The following GRIN2A variants were observed in gnomAD, a reference collection of about 807,000 sequenced individuals.
GRIN2A encodes glutamate ionotropic receptor NMDA type subunit 2A, also known as glutamate receptor ionotropic, NMDA 2A.
Under a neutral mutation model 113.4 loss-of-function variants are expected in GRIN2A, and 22 were observed. The ratio of observed to expected loss-of-function variants is 0.19; its 90% CI spans 0.14 to 0.28. The LOEUF (loss-of-function observed/expected upper bound fraction) is 0.28. Among genes scored for constraint, GRIN2A ranks in the 10% least tolerant of loss-of-function variants. GRIN2A has a pLI of 1.00. For synonymous variants in GRIN2A, 827 were observed against 738.4 expected, an observed-to-expected ratio of 1.12 and a Z score of -1.94; for missense variants, 1,502 against 1,887.0, an observed-to-expected ratio of 0.80 and a Z score of 3.78.
At chr16:9,955,600 T>C (rs2141685896) in intron 2 of GRIN2A, among the ~76,000 whole-genome samples, 1 of 152,342 alleles carries the variant, frequency 6.6e-6, no homozygotes, top group East Asian at 1.9e-4. Flanking sequence ...ATTTATAGAC[T>C]GCTTTCATGA....
rs145172949 is a variant in GRIN2A at position 9,938,024 on chromosome 16, G to A, written c.942C>T (p.Pro314=). ...SSMLEKFSYI[P]EAKASCYGQM... The stretch of plus-strand genomic sequence containing the variant: ...GCCCGTAGCAGCTGGCCTTGGCCTC[G>A]GGGATGTAGGAGAACTTCTCCAGCA... The change falls in exon 3 of 13, where the codon CCC becomes CCT. Residue 314 remains proline, a synonymous_variant. Coordinates refer to ENST00000330684, the MANE Select transcript of GRIN2A (RefSeq NM_001134407.3). 1,033 of 1,613,908 alleles carry A rather than the reference G, an allele frequency of 6.4e-4. 1 individual carries two copies. Among genetic ancestry groups the A allele is most frequent in the Non-Finnish European group, 8.1e-4 (961 of 1,179,978 alleles).
chr16:10,039,804 G>GAGAGAGAGAGAGA (rs2047113289), intron 2 of GRIN2A, among the ~76,000 whole-genome samples: 1 of 56,110 alleles, frequency 1.8e-5, no homozygotes. Context: ...GAGGGGGAGG[G>GAGAGAGAGAGAGA]GGGGGAGAAA....
chr16:10,142,359 C>T (rs1453786027), intron 2 of GRIN2A, among the ~76,000 whole-genome samples: 3 of 152,212 alleles, frequency 2.0e-5, no homozygotes, highest in African/African-American at 7.2e-5. Flanking sequence ...GCTCCATACA[C>T]GTCAGAGCCC....
intron 3 of GRIN2A, among the ~76,000 whole-genome samples, chr16:9,895,995 T>C (rs942550122): frequency 6.6e-6 from 1 of 152,160 alleles, no homozygotes; most frequent in East Asian, 1.9e-4. Flanking sequence ...ATAAAGACAC[T>C]TGCTCCTGGG....
At chr16:10,016,505 T>C (rs930846552) in intron 2 of GRIN2A, among the ~76,000 whole-genome samples, 1 of 152,108 alleles carries the variant, frequency 6.6e-6, no homozygotes, top group African/African-American at 2.4e-5. Context: ...CCCATCTCAG[T>C]GGACAATGCA....
chr16:9,796,769 C>T (rs905283946), intron 11 of GRIN2A, among the ~76,000 whole-genome samples: 7 of 152,202 alleles, frequency 4.6e-5, no homozygotes, highest in Non-Finnish European at 7.3e-5. Context: ...ACTATCCCCA[C>T]CCCAGGCAGA....
intron 2 of GRIN2A, among the ~76,000 whole-genome samples, chr16:9,940,061 A>AGAGAGAGT (rs536496290): frequency 1.4e-5 from 2 of 142,898 alleles, no homozygotes; most frequent in African/African-American, 5.3e-5. Flanking sequence ...AGAGAGAGAG[A>AGAGAGAGT]GTGTGTGTGT....
intron 3 of GRIN2A, among the ~76,000 whole-genome samples, chr16:9,902,455 C>A (rs1441363101): frequency 2.0e-5 from 3 of 152,202 alleles, no homozygotes; most frequent in Non-Finnish European, 4.4e-5. Flanking sequence ...CTGTGGAATA[C>A]CACACCAGCC....
At chr16:9,937,482 T>C (rs1231277982) in intron 3 of GRIN2A, among the ~76,000 whole-genome samples, 4 of 152,116 alleles carry the variant, frequency 2.6e-5, no homozygotes, top group Non-Finnish European at 4.4e-5. Flanking sequence ...TAAATATATA[T>C]ACCTACTATG....
At chr16:10,006,047 G>A (rs897638087) in intron 2 of GRIN2A, among the ~76,000 whole-genome samples, 1 of 152,164 alleles carries the variant, frequency 6.6e-6, no homozygotes, top group African/African-American at 2.4e-5. Context: ...TAAGGATGTA[G>A]GCTGTTGTAA....
chr16:9,918,725 G>A (rs2044302297), intron 3 of GRIN2A, among the ~76,000 whole-genome samples: 1 of 151,750 alleles, frequency 6.6e-6, no homozygotes. Flanking sequence ...TTTGTTAAAT[G>A]TAACCATGTA....
Position 9,757,940 on chromosome 16 carries a change from G to C in GRIN2A, c.*5209C>G, listed in dbSNP as rs1194346674. On this transcript the variant is annotated 3_prime_UTR_variant, in exon 13 of 13. Transcript: ENST00000330684. ...GGGGATCTCTGGCTCTTATTCCAGA[G>C]CTACTCAGGAGTTTCCCCTTGAAAG... The C allele has an allele frequency of 2.2e-5, 5 of 223,206 alleles. No homozygotes were observed. 13.8% of individuals were successfully genotyped at this position (223,206 alleles called of 1,614,324 possible).
intron 2 of GRIN2A, among the ~76,000 whole-genome samples, chr16:10,120,356 T>G (rs2048809633): frequency 6.6e-6 from 1 of 152,166 alleles, no homozygotes; most frequent in South Asian, 2.1e-4. Context: ...ATTCTCCTGC[T>G]CAAAATGTCC....
chr16:9,999,803 G>A (rs962698475), intron 2 of GRIN2A, among the ~76,000 whole-genome samples: 2 of 152,154 alleles, frequency 1.3e-5, no homozygotes, highest in African/African-American at 4.8e-5. Context: ...CTCTCACACA[G>A]GGGGTATTAG....
intron 11 of GRIN2A, among the ~76,000 whole-genome samples, chr16:9,775,741 G>GTGAA (rs1195339422): frequency 1.3e-5 from 2 of 152,234 alleles, no homozygotes; most frequent in African/African-American, 4.8e-5. Context: ...TACATCTGTA[G>GTGAA]TGAACACCCA....
intron 12 of GRIN2A, among the ~76,000 whole-genome samples, chr16:9,767,202 T>C (rs1900969868): frequency 6.6e-6 from 1 of 152,158 alleles, no homozygotes; most frequent in Admixed American, 6.5e-5. Flanking sequence ...ATCAAGCTAA[T>C]TAGGAAATAT....
intron 2 of GRIN2A, among the ~76,000 whole-genome samples, chr16:10,120,678 C>A (rs72776035): frequency 0.15 from 22,119 of 152,192 alleles, 2,268 homozygotes; most frequent in East Asian, 0.31. Flanking sequence ...GAAAACAGAT[C>A]TTCTCTCTGG....
chr16:10,075,931 G>T (rs1205411984), intron 2 of GRIN2A, among the ~76,000 whole-genome samples: 3 of 152,156 alleles, frequency 2.0e-5, no homozygotes, highest in African/African-American at 7.2e-5. Flanking sequence ...CAGACAGAGG[G>T]ACTCCAGAAA....
At chr16:9,926,943 T>C (rs1038198144) in intron 3 of GRIN2A, among the ~76,000 whole-genome samples, 6 of 148,232 alleles carry the variant, frequency 4.0e-5, no homozygotes, top group Non-Finnish European at 7.5e-5. Context: ...AAAAAAAACA[T>C]GCACACAACA....
Sources: gnomAD v4.1 joint callset for allele counts (sites outside exome capture counted in the v4.1 genomes callset) on GRCh38, gnomAD v4.1.1 for gene constraint, MANE v1.5 for transcripts, NCBI Gene and HGNC (gene_info 2026-07-23, HGNC 2026-07-21) for gene names.